The following MAP2 variants were observed in gnomAD, a reference collection of about 807,000 sequenced individuals.
MAP2 encodes the protein microtubule-associated protein 2.
In MAP2, 14 loss-of-function variants were observed where a neutral mutation model predicts 137.6. That is an observed-to-expected ratio of 0.10 (90% CI 0.07 to 0.16). The LOEUF (loss-of-function observed/expected upper bound fraction) is 0.16, where lower values mean the gene tolerates loss of function less well. Among genes scored for constraint, MAP2 ranks in the 10% least tolerant of loss-of-function variants. The pLI is 1.00. For synonymous variants in MAP2, 786 were observed against 782.3 expected (o/e 1.00, Z -0.08); for missense variants, 2,088 against 2,191.5 (o/e 0.95, Z 0.94).
chr2:209,536,567 G>C lies in MAP2; in HGVS notation c.-172+28926G>C, dbSNP rs115211619. Among the ~76,000 whole-genome samples the C allele has an allele frequency of 8.7e-3, 1,321 of 152,282 alleles. 21 individuals are homozygous for C. Among genetic ancestry groups the C allele is most frequent in the African/African-American group, 0.031 (1,275 of 41,548 alleles). ...CAGTCAAGTGAGAGCTGTTTATTGG[G>C]TGCTGTGGAATCCAGCAGCTTCTCA... is the stretch of plus-strand genomic sequence containing the variant. On this transcript the variant is annotated intron_variant, in intron 2 of 15. Transcript: ENST00000682079.
chr2:209,481,788 C>A (rs1013856841), intron 1 of MAP2, among the ~76,000 whole-genome samples: 1 of 152,170 alleles, frequency 6.6e-6, no homozygotes, highest in Non-Finnish European at 1.5e-5. Context: ...TTATTCAGAA[C>A]ATAGAATTTG....
At chr2:209,661,177 A>G (rs1404590344) in intron 5 of MAP2, among the ~76,000 whole-genome samples, 3 of 152,208 alleles carry the variant, frequency 2.0e-5, no homozygotes, top group Non-Finnish European at 4.4e-5. Flanking sequence ...ATTCAAATCT[A>G]TCTTTTCTCA....
chr2:209,655,101 G>A (rs2095058603), intron 5 of MAP2, among the ~76,000 whole-genome samples: 1 of 152,166 alleles, frequency 6.6e-6, no homozygotes, highest in Admixed American at 6.5e-5. Flanking sequence ...TATTTGTCAA[G>A]TCAGTGTATT....
chr2:209,693,790 A>T lies in MAP2; in HGVS notation c.1620A>T (p.Arg540Ser). ...KSSIQELFEM[R>S]VDDKDKIEGV... ...CAATTCAGGAACTTTTTGAAATGAG[A>T]GTTGATGACAAAGATAAGATTGAAG... The change falls in exon 8 of 16, where the codon AGA becomes AGT. Residue 540 changes from arginine to serine, a missense_variant. Coordinates refer to ENST00000682079, the MANE Select transcript of MAP2 (RefSeq NM_001375505.1). 1 of 1,614,014 alleles carries T rather than the reference A, an allele frequency of 6.2e-7. No homozygotes were observed.
intron 2 of MAP2, among the ~76,000 whole-genome samples, chr2:209,514,688 C>T (rs1177447219): frequency 1.1e-4 from 17 of 151,948 alleles, no homozygotes; most frequent in Non-Finnish European, 1.5e-5. Flanking sequence ...GTAAGAAATT[C>T]TTTATATTCT....
chr2:209,634,092 A>G (rs2093344865), intron 4 of MAP2, among the ~76,000 whole-genome samples: 1 of 152,128 alleles, frequency 6.6e-6, no homozygotes, highest in African/African-American at 2.4e-5. Context: ...GAAGAGAGAA[A>G]TTCAGGAAGA....
At chr2:209,710,371 A>G (rs1453944035) in intron 13 of MAP2, 117 bp downstream of exon 13, 1 of 888,196 alleles carries the variant, frequency 1.1e-6, no homozygotes, top group Non-Finnish European at 1.7e-6. Context: ...CTTGGTTACA[A>G]TTTATTGCTA....
intron 7 of MAP2, among the ~76,000 whole-genome samples, chr2:209,682,265 C>A (rs1272891056): frequency 6.6e-6 from 1 of 151,996 alleles, no homozygotes; most frequent in Non-Finnish European, 1.5e-5. Flanking sequence ...CCGAGGCGGG[C>A]AGATCACTTG....
chr2:209,432,659 C>G (rs1338302532), intron 1 of MAP2, among the ~76,000 whole-genome samples: 1 of 152,086 alleles, frequency 6.6e-6, no homozygotes, highest in Non-Finnish European at 1.5e-5. Context: ...ATGAACATGT[C>G]TAATCATCCA....
chr2:209,678,502 T>C, intron 5 of MAP2, 70 bp from the exon 6 acceptor site: 1 of 720,976 alleles, frequency 1.4e-6, no homozygotes. Context: ...CTATACTGTT[T>C]GGTTACTTTT....
intron 1 of MAP2, among the ~76,000 whole-genome samples, chr2:209,504,731 G>A (rs541094444): frequency 6.6e-6 from 1 of 151,986 alleles, no homozygotes; most frequent in South Asian, 2.1e-4. Flanking sequence ...GTACATTCGC[G>A]TTGCTGTGCA....
At chr2:209,443,245 T>A (rs1698257843) in intron 1 of MAP2, among the ~76,000 whole-genome samples, 1 of 151,594 alleles carries the variant, frequency 6.6e-6, no homozygotes, top group South Asian at 2.1e-4. Flanking sequence ...GGCTAGCTGC[T>A]TTTAATCTTT....
chr2:209,614,439 G>A (rs969674442), intron 3 of MAP2, among the ~76,000 whole-genome samples: 3 of 151,820 alleles, frequency 2.0e-5, no homozygotes, highest in Non-Finnish European at 4.4e-5. Context: ...TCTTTCTTTG[G>A]TAGAATCTTA....
chr2:209,685,119 G>T (rs2056514558), intron 7 of MAP2, among the ~76,000 whole-genome samples: 1 of 151,988 alleles, frequency 6.6e-6, no homozygotes, highest in African/African-American at 2.4e-5. Flanking sequence ...TGGAGAAGTG[G>T]CTTATCCAGA....
intron 3 of MAP2, among the ~76,000 whole-genome samples, chr2:209,604,685 C>T (rs1351409762): frequency 6.6e-6 from 1 of 152,078 alleles, no homozygotes; most frequent in African/African-American, 2.4e-5. Flanking sequence ...CCAAACCCTG[C>T]GCACATGCTT....
chr2:209,480,617 G>A (rs1194645376), intron 1 of MAP2, among the ~76,000 whole-genome samples: 1 of 152,092 alleles, frequency 6.6e-6, no homozygotes, highest in Non-Finnish European at 1.5e-5. Context: ...TGCCAAACAT[G>A]ATGCTGCTTT....
At chr2:209,426,957 T>C (rs928470852) in intron 1 of MAP2, among the ~76,000 whole-genome samples, 2 of 152,226 alleles carry the variant, frequency 1.3e-5, no homozygotes. Flanking sequence ...ACACATATTT[T>C]GTATTGAATT....
At chr2:209,552,717 C>T (rs898773539) in intron 2 of MAP2, among the ~76,000 whole-genome samples, 14 of 151,804 alleles carry the variant, frequency 9.2e-5, no homozygotes, top group Admixed American at 4.6e-4. Context: ...AAAAATTAGC[C>T]GGGCGTTGTG....
At chr2:209,665,970 G>A (rs1242864029) in intron 5 of MAP2, among the ~76,000 whole-genome samples, 1 of 152,074 alleles carries the variant, frequency 6.6e-6, no homozygotes, top group African/African-American at 2.4e-5. Context: ...ACTAATAGTA[G>A]TAATAATAAT....
Sources: gnomAD v4.1 joint callset for allele counts (sites outside exome capture counted in the v4.1 genomes callset) on GRCh38, gnomAD v4.1.1 for gene constraint, MANE v1.5 for transcripts, NCBI Gene and HGNC (gene_info 2026-07-23, HGNC 2026-07-21) for gene names.